The following FCHO2 variants were observed in gnomAD, a reference collection of about 807,000 sequenced individuals.
FCHO2 encodes the protein F-BAR domain only protein 2.
In FCHO2, 43 loss-of-function variants were observed where a neutral mutation model predicts 114.1. The ratio of observed to expected loss-of-function variants is 0.38; its 90% confidence interval spans 0.30 to 0.49. The LOEUF (loss-of-function observed/expected upper bound fraction) is 0.49, where lower values mean the gene tolerates loss of function less well. FCHO2 is among the 20% of genes least tolerant of loss of function. The pLI is 0.97. For missense variants in FCHO2, 807 were observed against 950.4 expected (o/e 0.85, Z 1.98); for synonymous variants, 293 against 315.2 (o/e 0.93, Z 0.75).
intron 11 of FCHO2, among the ~76,000 whole-genome samples, chr5:73,043,425 C>A (rs1014690101): frequency 1.4e-5 from 2 of 147,444 alleles, no homozygotes; most frequent in Admixed American, 1.3e-4. Context: ...CACACACACA[C>A]ATTGTATTAG....
chr5:72,970,654 T>C (rs930580374), intron 2 of FCHO2, among the ~76,000 whole-genome samples: 2 of 151,916 alleles, frequency 1.3e-5, no homozygotes, highest in Admixed American at 1.3e-4. Context: ...TCATCAATAA[T>C]GCAGCATTTC....
At chr5:72,996,289 A>C (rs546466712) in intron 5 of FCHO2, among the ~76,000 whole-genome samples, 2 of 152,122 alleles carry the variant, frequency 1.3e-5, no homozygotes, top group African/African-American at 4.8e-5. Flanking sequence ...ATAATGGGAT[A>C]CAATACAGTA....
At chr5:73,028,459 G>A (rs1756056434) in intron 8 of FCHO2, among the ~76,000 whole-genome samples, 1 of 152,018 alleles carries the variant, frequency 6.6e-6, no homozygotes, top group African/African-American at 2.4e-5. Context: ...GCTCCAAACT[G>A]TAAACAACCC....
At chr5:73,004,236 G>C (rs185045239) in intron 5 of FCHO2, among the ~76,000 whole-genome samples, 40 of 152,018 alleles carry the variant, frequency 2.6e-4, no homozygotes, top group African/African-American at 8.4e-4. Context: ...TAGCAAACTT[G>C]GTTATCTGGG....
At chr5:72,996,992 G>A in intron 5 of FCHO2, 6 of 1,602,596 alleles carry the variant, frequency 3.7e-6, no homozygotes, top group East Asian at 2.2e-5. Flanking sequence ...GAGCTTCTCC[G>A]CCCTTTTGCG....
At chr5:73,038,066 C>A in intron 10 of FCHO2, 1 of 153,960 alleles carries the variant, frequency 6.5e-6, no homozygotes, top group Middle Eastern at 3.3e-3. Context: ...GCCTGATTTA[C>A]CTTCTTTTAA....
intron 5 of FCHO2, among the ~76,000 whole-genome samples, chr5:72,994,753 A>G (rs1043502185): frequency 1.3e-5 from 2 of 152,252 alleles, no homozygotes; most frequent in Admixed American, 6.5e-5. Flanking sequence ...AAAATGTGGT[A>G]CATATTCATT....
At chr5:73,007,042 A>C (rs1028703575) in intron 6 of FCHO2, among the ~76,000 whole-genome samples, 6 of 152,148 alleles carry the variant, frequency 3.9e-5, no homozygotes, top group Non-Finnish European at 8.8e-5. Context: ...CCTTTTAGGA[A>C]TCATACCTAA....
chr5:73,063,225 C>T (rs1757927692), intron 17 of FCHO2, among the ~76,000 whole-genome samples: 1 of 151,968 alleles, frequency 6.6e-6, no homozygotes, highest in Non-Finnish European at 1.5e-5. Flanking sequence ...AAACTCAACA[C>T]TAAATTTATA....
Position 73,081,818 on chromosome 5 carries a change from T to G in FCHO2, c.2016T>G (p.Asn672Lys). The G allele has an allele frequency of 2.5e-6, 4 of 1,599,022 alleles. No homozygotes were observed. Among genetic ancestry groups the G allele is most frequent in the Non-Finnish European group, 2.6e-6 (3 of 1,172,032 alleles). ...SSNGIQSTPL[N>K]LATYWKCSAS... is the part of the protein sequence containing the mutation. ...ATGGTATTCAGTCCACTCCTCTGAA[T>G]CTTGCAACATACTGGAAATGTAGTG... The change falls in exon 23 of 26, where the codon AAT becomes AAG. Residue 672 changes from asparagine to lysine, a missense_variant. Physicochemically the swap from Asn to Lys is moderately conservative, Grantham distance 94 (BLOSUM62 0). Coordinates refer to ENST00000430046, the MANE Select transcript of FCHO2 (RefSeq NM_138782.3).
intron 8 of FCHO2, among the ~76,000 whole-genome samples, chr5:73,018,564 A>G (rs1235505377): frequency 6.7e-6 from 1 of 149,582 alleles, no homozygotes; most frequent in Non-Finnish European, 1.5e-5. Flanking sequence ...GTTTATTGAT[A>G]TATTTTAATG....
chr5:72,991,769 C>T (rs1753823962), intron 5 of FCHO2, among the ~76,000 whole-genome samples: 1 of 152,078 alleles, frequency 6.6e-6, no homozygotes, highest in Non-Finnish European at 1.5e-5. Flanking sequence ...AAAAGGAAAC[C>T]AAATTGTACC....
intron 15 of FCHO2, among the ~76,000 whole-genome samples, chr5:73,055,343 GA>G (rs1446064105): frequency 6.6e-6 from 1 of 152,116 alleles, no homozygotes; most frequent in African/African-American, 2.4e-5. Flanking sequence ...GAAGAATGTA[GA>G]GTGAATGGTT....
chr5:73,033,253 A>G (rs1261209239), intron 8 of FCHO2, among the ~76,000 whole-genome samples: 1 of 152,148 alleles, frequency 6.6e-6, no homozygotes, highest in Non-Finnish European at 1.5e-5. Context: ...ATGTATTAGT[A>G]AGGAACATAC....
At chr5:72,997,056 C>T in intron 5 of FCHO2, 3 of 1,313,272 alleles carry the variant, frequency 2.3e-6, no homozygotes, top group Non-Finnish European at 3.3e-6. Flanking sequence ...GATATCATCC[C>T]CTTATCTTCT....
At chr5:73,087,210 ACTT>A (rs1204104074) in intron 24 of FCHO2, among the ~76,000 whole-genome samples, 3 of 152,182 alleles carry the variant, frequency 2.0e-5, no homozygotes, top group Non-Finnish European at 4.4e-5. Flanking sequence ...TTCCATCTTT[ACTT>A]CTTCTACTAC....
intron 2 of FCHO2, among the ~76,000 whole-genome samples, chr5:72,987,321 G>C (rs1453734709): frequency 1.3e-5 from 2 of 152,006 alleles, no homozygotes; most frequent in Non-Finnish European, 2.9e-5. Flanking sequence ...CTGATATTTT[G>C]ATTAGGGATG....
At chr5:73,049,151 C>G (rs1347345342) in intron 11 of FCHO2, among the ~76,000 whole-genome samples, 1 of 152,112 alleles carries the variant, frequency 6.6e-6, no homozygotes, top group East Asian at 1.9e-4. Flanking sequence ...GCTGGGATTA[C>G]AGGCGTGAGC....
intron 22 of FCHO2, among the ~76,000 whole-genome samples, chr5:73,078,725 G>C (rs984970358): frequency 1.3e-5 from 2 of 152,096 alleles, no homozygotes; most frequent in Non-Finnish European, 2.9e-5. Context: ...CTGGGAAAGA[G>C]GAATCAAAAT....
Sources: allele counts gnomAD v4.1 joint callset (sites outside exome capture counted in the v4.1 genomes callset), GRCh38; gene constraint gnomAD v4.1.1; transcripts MANE v1.5; gene names NCBI Gene and HGNC (gene_info 2026-07-23, HGNC 2026-07-21).